Variants in IL1RAPL1 observed in about 807,000 individuals in gnomAD.
The protein encoded by IL1RAPL1 is interleukin-1 receptor accessory protein-like 1.
In IL1RAPL1, 3 loss-of-function variants were observed where a neutral mutation model predicts 48.4. The observed-to-expected ratio is 0.06, with a 90% CI of 0.03 to 0.16. IL1RAPL1 has a LOEUF of 0.16. Ranked by LOEUF, IL1RAPL1 falls within the 10% of genes least tolerant of loss-of-function variation. The pLI is 1.00. For missense variants in IL1RAPL1, 349 were observed against 530.6 expected, an observed-to-expected ratio of 0.66 and a Z score of 3.36; for synonymous variants, 185 against 187.7, an observed-to-expected ratio of 0.99 and a Z score of 0.12.
chrX:29,070,604 C>G (rs766899865), intron 2 of IL1RAPL1, among the ~76,000 whole-genome samples: 1 of 111,534 alleles, frequency 9.0e-6, no homozygotes, highest in African/African-American at 3.2e-5. Context: ...TTGCCCAAAC[C>G]TGATACATCA....
At position 29,884,143 on chromosome X, in the gene IL1RAPL1, A is replaced by C. The variant is rs1333928151; in HGVS notation, c.779-33321A>C. ...TGATCTCATGATTGACGAGAGTAGT[A>C]GTCTACCCATTTAATACCTAATTCC... On this transcript the variant is annotated intron_variant, in intron 6 of 10. Coordinates refer to ENST00000378993, the MANE Select transcript of IL1RAPL1 (RefSeq NM_014271.4). 2.7e-5 allele frequency among the ~76,000 whole-genome samples: 3 copies of C among 112,104 alleles called. No homozygotes were observed. In the East Asian group the frequency reaches 8.4e-4, roughly 31 times the overall value.
chrX:29,378,033 A>G (rs972067744), intron 3 of IL1RAPL1, among the ~76,000 whole-genome samples: 9 of 95,534 alleles, frequency 9.4e-5, no homozygotes, highest in African/African-American at 3.5e-4. Context: ...ATAATTCCCT[A>G]TTTCTTTGAG....
intron 2 of IL1RAPL1, among the ~76,000 whole-genome samples, chrX:28,925,581 T>C (rs923816752): frequency 1.8e-5 from 2 of 111,838 alleles, no homozygotes; most frequent in Non-Finnish European, 3.8e-5. Context: ...TACGCAACCC[T>C]GTACAGTAAT....
chrX:29,175,124 G>A (rs1929989309), intron 2 of IL1RAPL1, among the ~76,000 whole-genome samples: 2 of 108,417 alleles, frequency 1.8e-5, no homozygotes, highest in African/African-American at 6.7e-5. Flanking sequence ...AAAGGATCCA[G>A]GAGTCTTAAC....
At chrX:29,328,681 GGA>G (rs1351796592) in intron 3 of IL1RAPL1, among the ~76,000 whole-genome samples, 6 of 105,985 alleles carry the variant, frequency 5.7e-5, no homozygotes, top group Admixed American at 4.1e-4. Context: ...AGAGAGAGAG[GGA>G]GAGAGAGAGT....
chrX:29,412,953 T>C (rs1471265900), intron 5 of IL1RAPL1, among the ~76,000 whole-genome samples: 1 of 112,179 alleles, frequency 8.9e-6, no homozygotes, highest in African/African-American at 3.2e-5. Context: ...TTTTTGAATC[T>C]TTACCTTGGT....
chrX:29,833,555 T>C (rs1930928646), intron 6 of IL1RAPL1, among the ~76,000 whole-genome samples: 1 of 111,433 alleles, frequency 9.0e-6, no homozygotes, highest in African/African-American at 3.3e-5. Context: ...ACATAGAAAC[T>C]TATTTACATG....
In IL1RAPL1 at chrX:28,654,861, A is replaced by G. The variant is rs548730618; in HGVS notation, c.-25+66814A>G. Reference sequence around the variant, plus strand: ...TTTACTTTGACCCAAAGGAAAATGCAAGTAAACCCATACCACTGGCTGAAT... The same window carrying G: ...TTTACTTTGACCCAAAGGAAAATGCGAGTAAACCCATACCACTGGCTGAAT... On this transcript the variant is annotated intron_variant, in intron 1 of 10. Coordinates refer to ENST00000378993, the MANE Select transcript of IL1RAPL1 (RefSeq NM_014271.4). Among the ~76,000 whole-genome samples the G allele has an allele frequency of 4.5e-5, 5 of 112,035 alleles. No individual in the cohort carries two copies. In the South Asian group the frequency reaches 1.1e-3, roughly 25 times the overall value.
At chrX:29,816,727 T>C (rs1037115111) in intron 6 of IL1RAPL1, among the ~76,000 whole-genome samples, 5 of 110,679 alleles carry the variant, frequency 4.5e-5, no homozygotes, top group Admixed American at 9.6e-5. Flanking sequence ...TAATTCTCCA[T>C]GACCACTCTT....
chrX:29,443,718 A>G (rs1934577556), intron 5 of IL1RAPL1, among the ~76,000 whole-genome samples: 1 of 111,700 alleles, frequency 9.0e-6, no homozygotes, highest in Non-Finnish European at 1.9e-5. Context: ...GGGGTCGTCA[A>G]TTTGGGCTGG....
chrX:29,672,337 G>T (rs1464121887), intron 6 of IL1RAPL1, among the ~76,000 whole-genome samples: 1 of 111,655 alleles, frequency 9.0e-6, no homozygotes, highest in East Asian at 2.8e-4. Context: ...TATGTAATAA[G>T]TATAAATACT....
chrX:29,309,685 C>T (rs1036902753), intron 3 of IL1RAPL1, among the ~76,000 whole-genome samples: 8 of 109,788 alleles, frequency 7.3e-5, no homozygotes, highest in East Asian at 5.8e-4. Context: ...TGGTGACGGG[C>T]GCCTGTAACC....
chrX:28,687,823 G>C (rs1935130139), intron 1 of IL1RAPL1, among the ~76,000 whole-genome samples: 1 of 106,070 alleles, frequency 9.4e-6, no homozygotes, highest in African/African-American at 3.4e-5. Flanking sequence ...GGGGGCAGGG[G>C]GTGCGCGGTG....
At chrX:29,127,713 A>G (rs767881659) in intron 2 of IL1RAPL1, among the ~76,000 whole-genome samples, 1 of 111,798 alleles carries the variant, frequency 8.9e-6, no homozygotes, top group Non-Finnish European at 1.9e-5. Context: ...TAATCCCAGC[A>G]CTTTGGGAGT....
intron 2 of IL1RAPL1, among the ~76,000 whole-genome samples, chrX:29,182,303 G>A (rs927488996): frequency 2.4e-4 from 27 of 112,045 alleles, no homozygotes; most frequent in African/African-American, 7.8e-4. Flanking sequence ...TTTCCATTCT[G>A]TAGCATCCAA....
At chrX:29,171,970 C>A (rs1347531486) in intron 2 of IL1RAPL1, among the ~76,000 whole-genome samples, 1 of 112,145 alleles carries the variant, frequency 8.9e-6, no homozygotes, top group East Asian at 2.8e-4. Flanking sequence ...TTCTAAGCTT[C>A]TTACCAAATT....
intron 6 of IL1RAPL1, among the ~76,000 whole-genome samples, chrX:29,836,222 C>T (rs754543212): frequency 2.0e-5 from 2 of 100,728 alleles, no homozygotes; most frequent in East Asian, 6.4e-4. Context: ...GACGGAGTCT[C>T]ACTTTGTCGC....
intron 1 of IL1RAPL1, among the ~76,000 whole-genome samples, chrX:28,595,258 T>A (rs984413633): frequency 8.0e-5 from 9 of 112,654 alleles, no homozygotes; most frequent in African/African-American, 2.9e-4. Context: ...AGCTGGTGTG[T>A]GTGTGTGTAT....
At chrX:28,609,535 C>G (rs960860605) in intron 1 of IL1RAPL1, among the ~76,000 whole-genome samples, 1 of 101,419 alleles carries the variant, frequency 9.9e-6, no homozygotes, top group African/African-American at 3.7e-5. Context: ...GCCTGGCAGG[C>G]ATTTTTTTTT....
Sources: allele counts gnomAD v4.1 joint callset (sites outside exome capture counted in the v4.1 genomes callset), GRCh38; gene constraint gnomAD v4.1.1; transcripts MANE v1.5; gene names NCBI Gene and HGNC (gene_info 2026-07-23, HGNC 2026-07-21).